The following TRAPPC9 variants were observed in gnomAD, a reference collection of about 807,000 sequenced individuals.
TRAPPC9 encodes IKK2 binding protein.
Under a neutral mutation model 124.0 loss-of-function variants are expected in TRAPPC9, and 83 were observed. The ratio of observed to expected loss-of-function variants is 0.67; its 90% CI spans 0.56 to 0.80. The LOEUF is 0.80. TRAPPC9 is among the 30% of genes least tolerant of loss of function. The pLI is 0.00. For missense variants in TRAPPC9, 1,302 were observed against 1,508.3 expected (o/e 0.86, Z 2.27); for synonymous variants, 638 against 617.5 (o/e 1.03, Z -0.49).
At chr8:140,250,648 C>A (rs2064111483) in intron 16 of TRAPPC9, among the ~76,000 whole-genome samples, 1 of 152,182 alleles carries the variant, frequency 6.6e-6, no homozygotes, top group South Asian at 2.1e-4. Context: ...TTCGTGCCTA[C>A]CTTTTCCTCC....
intron 21 of TRAPPC9, among the ~76,000 whole-genome samples, chr8:139,766,071 C>A (rs1374922159): frequency 6.6e-6 from 1 of 152,242 alleles, no homozygotes; most frequent in Non-Finnish European, 1.5e-5. Context: ...AGTAATCCAA[C>A]AGTGAAATGT....
At position 139,988,953 on chromosome 8, in the gene TRAPPC9, T is replaced by C. The variant is rs951978391; in HGVS notation, c.2700-117A>G. On this transcript the variant is annotated intron_variant, in intron 18 of 22. Coordinates refer to ENST00000438773, the MANE Select transcript of TRAPPC9 (RefSeq NM_001160372.4). ...TTAAGAAGGGCAAAGTATATCGAAA[T>C]GCCAAGTGCTCCTGGGCTCAGAGGA... 9.6e-6 allele frequency: 7 copies of C among 727,748 alleles called. No homozygotes were observed. The African/African-American group carries it at 1.2e-4, about 13-fold the overall frequency. 45.1% of individuals were successfully genotyped at this position (727,748 alleles called of 1,614,324 possible).
intron 17 of TRAPPC9, among the ~76,000 whole-genome samples, chr8:140,147,464 C>T (rs190850249): frequency 1.3e-5 from 2 of 152,154 alleles, no homozygotes; most frequent in South Asian, 2.1e-4. Flanking sequence ...GTGCGGTGGC[C>T]GGCACTGGAA....
At chr8:139,794,111 G>A (rs972792130) in intron 21 of TRAPPC9, among the ~76,000 whole-genome samples, 2 of 150,484 alleles carry the variant, frequency 1.3e-5, no homozygotes, top group Admixed American at 6.6e-5. Context: ...TGTTCTTCAT[G>A]GCTCTGAGCG....
chr8:139,756,370 C>T (rs1819777275), intron 21 of TRAPPC9, among the ~76,000 whole-genome samples: 1 of 138,958 alleles, frequency 7.2e-6, no homozygotes. Context: ...AGAGGGACAG[C>T]AGGTCGCAGG....
chr8:140,097,139 G>C lies in TRAPPC9; in HGVS notation c.2557-73060C>G, dbSNP rs1488596661. The stretch of plus-strand genomic sequence containing the variant: ...CCTCCTCTACCCGGCTCCAGGTCTG[G>C]TTCTCGTGCACTGCTGCAGCAGTGC... On this transcript the variant is annotated intron_variant, in intron 17 of 22. Coordinates refer to ENST00000438773, the MANE Select transcript of TRAPPC9 (RefSeq NM_001160372.4). This position sits in a 1 kb window ranked among gnomAD's most constrained non-coding sequence, Gnocchi z 4.2. The C allele has an allele frequency of 6.6e-6, 1 of 152,254 alleles. No homozygotes were observed. Among genetic ancestry groups the C allele is most frequent in the Non-Finnish European group, 1.5e-5 (1 of 68,062 alleles). 9.4% of individuals were successfully genotyped at this position (152,254 alleles called of 1,614,324 possible). A position where few individuals can be genotyped will look rare whatever the true frequency, so the allele number is the denominator to read the frequency against.
chr8:139,857,609 C>T (rs1399776821), intron 21 of TRAPPC9, among the ~76,000 whole-genome samples: 1 of 152,200 alleles, frequency 6.6e-6, no homozygotes, highest in Non-Finnish European at 1.5e-5. Flanking sequence ...CCGGAGCAGC[C>T]ACAGGAGCTC....
intron 9 of TRAPPC9, among the ~76,000 whole-genome samples, chr8:140,356,703 G>A (rs1004305517): frequency 3.3e-5 from 5 of 151,012 alleles, no homozygotes; most frequent in Non-Finnish European, 5.9e-5. Flanking sequence ...TCCACCTCCC[G>A]GGTTCAAGCG....
chr8:140,059,756 T>C (rs1330288391), intron 17 of TRAPPC9, among the ~76,000 whole-genome samples: 2 of 152,262 alleles, frequency 1.3e-5, no homozygotes, highest in Non-Finnish European at 2.9e-5. Flanking sequence ...TGCACACTTC[T>C]AATTGTGTTG....
chr8:139,930,838 G>T (rs2131381815), intron 19 of TRAPPC9, among the ~76,000 whole-genome samples: 1 of 152,302 alleles, frequency 6.6e-6, no homozygotes, highest in Non-Finnish European at 1.5e-5. Context: ...CCACCCAAGG[G>T]TTATGAGGAT....
At chr8:140,102,502 C>T (rs114308696) in intron 17 of TRAPPC9, among the ~76,000 whole-genome samples, 1,967 of 152,206 alleles carry the variant, frequency 0.013, 49 homozygotes, top group African/African-American at 0.045. Context: ...CACGCATGCA[C>T]GCACACACAC....
chr8:139,756,862 T>G (rs1267721088), intron 21 of TRAPPC9, among the ~76,000 whole-genome samples: 4 of 110,604 alleles, frequency 3.6e-5, no homozygotes, highest in Non-Finnish European at 5.6e-5. Context: ...AGCCAGGGAT[T>G]GGGGATGAGG....
At chr8:140,225,294 GAATA>G (rs1724094100) in intron 16 of TRAPPC9, among the ~76,000 whole-genome samples, 1 of 152,102 alleles carries the variant, frequency 6.6e-6, no homozygotes, top group Admixed American at 6.5e-5. Context: ...CTAAATGAAT[GAATA>G]AATTACAGGG....
chr8:140,335,474 C>T (rs2067010060), intron 9 of TRAPPC9, among the ~76,000 whole-genome samples: 1 of 152,108 alleles, frequency 6.6e-6, no homozygotes, highest in Non-Finnish European at 1.5e-5. Context: ...AAAATGCCAA[C>T]ACCCTTAACT....
chr8:140,198,025 G>C (rs938177045), intron 17 of TRAPPC9, among the ~76,000 whole-genome samples: 2 of 152,172 alleles, frequency 1.3e-5, no homozygotes, highest in African/African-American at 4.8e-5. Context: ...ACCCATTCTA[G>C]GGAAACTGTC....
chr8:139,955,996 G>C (rs747404053), intron 19 of TRAPPC9, among the ~76,000 whole-genome samples: 1 of 152,018 alleles, frequency 6.6e-6, no homozygotes, highest in Non-Finnish European at 1.5e-5. Flanking sequence ...CGTTTCTCCC[G>C]CCGTGTGGCT....
chr8:139,968,662 T>A (rs1359936698), intron 19 of TRAPPC9, among the ~76,000 whole-genome samples: 1 of 152,214 alleles, frequency 6.6e-6, no homozygotes, highest in South Asian at 2.1e-4. Context: ...AGAGTACTCA[T>A]AAGTGGAGCG....
intron 17 of TRAPPC9, among the ~76,000 whole-genome samples, chr8:140,140,170 C>G (rs1186015998): frequency 2.0e-5 from 3 of 152,108 alleles, no homozygotes; most frequent in Admixed American, 1.3e-4. Flanking sequence ...CTTACTCATC[C>G]CATAGTCTTT....
At chr8:139,958,269 G>A (rs1158795957) in intron 19 of TRAPPC9, among the ~76,000 whole-genome samples, 1 of 152,192 alleles carries the variant, frequency 6.6e-6, no homozygotes, top group Non-Finnish European at 1.5e-5. Context: ...CTCTTGAGCT[G>A]GCAGGTGTGT....
Sources: gnomAD v4.1 joint callset for allele counts (sites outside exome capture counted in the v4.1 genomes callset) on GRCh38, gnomAD v4.1.1 for gene constraint, Gnocchi (gnomAD v3.1) non-coding constraint, MANE v1.5 for transcripts, NCBI Gene and HGNC (gene_info 2026-07-23, HGNC 2026-07-21) for gene names.